The following IGBP1C variants were observed in gnomAD, a reference collection of about 807,000 sequenced individuals.
IGBP1C encodes immunoglobulin-binding protein 1 family member C.
chr17:58,687,184 C>T, the IGBP1C span, among the ~76,000 whole-genome samples: 2 of 152,224 alleles, frequency 1.3e-5, no homozygotes, highest in African/African-American at 4.8e-5. Flanking sequence ...GGCAATCACT[C>T]CCTGGCACTG....
At chr17:58,666,458 C>CAAACAAAAAA in the IGBP1C span, 17 of 36,834 alleles carry the variant, frequency 4.6e-4, no homozygotes, top group South Asian at 2.2e-3. Context: ...CCTTCCACGG[C>CAAACAAAAAA]AAAAAAAAAA....
chr17:58,670,872 T>C, the IGBP1C span, among the ~76,000 whole-genome samples: 1 of 151,136 alleles, frequency 6.6e-6, no homozygotes, highest in Admixed American at 6.6e-5. Context: ...AATAAAATGA[T>C]AGAAGTACAT....
the IGBP1C span, among the ~76,000 whole-genome samples, chr17:58,684,921 A>C: frequency 4.7e-3 from 721 of 152,300 alleles, 3 homozygotes; most frequent in Non-Finnish European, 7.3e-3. Flanking sequence ...GGTTGCAGCA[A>C]GCAGAAATCA....
chr17:58,673,650 C>T, the IGBP1C span, among the ~76,000 whole-genome samples: 1 of 152,114 alleles, frequency 6.6e-6, no homozygotes. Context: ...CATCCTCAAC[C>T]TCTTGGGCTC....
the IGBP1C span, among the ~76,000 whole-genome samples, chr17:58,683,378 C>T: frequency 2.0e-5 from 3 of 147,394 alleles, no homozygotes; most frequent in African/African-American, 5.0e-5. Context: ...ATCCCCCCCC[C>T]CAAAAAAAAA....
the IGBP1C span, among the ~76,000 whole-genome samples, chr17:58,682,266 T>TC: frequency 6.7e-6 from 1 of 149,796 alleles, no homozygotes; most frequent in East Asian, 2.0e-4. Flanking sequence ...GTCTTTCTTT[T>TC]TTTTTTTTTG....
chr17:58,691,779 GC>G, the IGBP1C span, among the ~76,000 whole-genome samples: 1 of 151,610 alleles, frequency 6.6e-6, no homozygotes, highest in Admixed American at 6.6e-5. Context: ...TAAACTGCTT[GC>G]CTTCCTCCCC....
the IGBP1C span, among the ~76,000 whole-genome samples, chr17:58,662,370 T>C: frequency 3.5e-4 from 53 of 151,116 alleles, 1 homozygote; most frequent in Non-Finnish European, 1.6e-4. Context: ...GAATTGCTTG[T>C]ACATAATACA....
At chr17:58,691,754 T>C in the IGBP1C span, among the ~76,000 whole-genome samples, 1 of 150,626 alleles carries the variant, frequency 6.6e-6, no homozygotes, top group Admixed American at 6.6e-5. Flanking sequence ...AGGAAGGAAC[T>C]CATAAACCAC....
chr17:58,673,188 T>C, the IGBP1C span, among the ~76,000 whole-genome samples: 5 of 151,876 alleles, frequency 3.3e-5, no homozygotes, highest in African/African-American at 4.8e-5. Context: ...TATTAAAATA[T>C]TGTATTGTAG....
At chr17:58,672,795 G>A in the IGBP1C span, among the ~76,000 whole-genome samples, 1 of 150,456 alleles carries the variant, frequency 6.6e-6, no homozygotes, top group Non-Finnish European at 1.5e-5. Flanking sequence ...GCAATGGTGT[G>A]ATCTCGGCTT....
chr17:58,664,074 A>C, the IGBP1C span, among the ~76,000 whole-genome samples: 2 of 151,996 alleles, frequency 1.3e-5, no homozygotes, highest in Admixed American at 6.6e-5. Context: ...CAAAAACCCA[A>C]CTCCACACTA....
chr17:58,673,799 C>T, the IGBP1C span, among the ~76,000 whole-genome samples: 2 of 151,992 alleles, frequency 1.3e-5, no homozygotes, highest in Non-Finnish European at 2.9e-5. Flanking sequence ...TCTCAAACTT[C>T]TTGGCTCAGG....
At chr17:58,668,103 C>G in the IGBP1C span, among the ~76,000 whole-genome samples, 3 of 152,058 alleles carry the variant, frequency 2.0e-5, no homozygotes, top group South Asian at 6.2e-4. Context: ...ATCTGATCAC[C>G]CCAGCCTGTC....
chr17:58,682,577 T>C, the IGBP1C span, among the ~76,000 whole-genome samples: 13 of 152,022 alleles, frequency 8.6e-5, no homozygotes, highest in Admixed American at 7.9e-4. Context: ...GATTTCAAAG[T>C]GTGTTTTATT....
chr17:58,688,101 T>C, the IGBP1C span, among the ~76,000 whole-genome samples: 1 of 152,162 alleles, frequency 6.6e-6, no homozygotes, highest in African/African-American at 2.4e-5. Context: ...TTCGGCACTT[T>C]TACAATTATA....
At chr17:58,683,942 G>A in the IGBP1C span, among the ~76,000 whole-genome samples, 1 of 151,368 alleles carries the variant, frequency 6.6e-6, no homozygotes, top group South Asian at 2.1e-4. Flanking sequence ...GTGCATCCCT[G>A]TCATCCCAGC....
At chr17:58,674,321 A>G in the IGBP1C span, among the ~76,000 whole-genome samples, 2 of 151,682 alleles carry the variant, frequency 1.3e-5, no homozygotes, top group African/African-American at 2.4e-5. Flanking sequence ...TGAGAACCAC[A>G]AACTAATCCT....
At chr17:58,661,905 T>A in the IGBP1C span, 24 of 244,322 alleles carry the variant, frequency 9.8e-5, no homozygotes, top group East Asian at 1.8e-3. Flanking sequence ...AGAGAATGCA[T>A]GTAAAAATGC....
Sources: allele counts gnomAD v4.1 joint callset (sites outside exome capture counted in the v4.1 genomes callset), GRCh38; gene constraint gnomAD v4.1.1; transcripts MANE v1.5; gene names NCBI Gene and HGNC (gene_info 2026-07-23, HGNC 2026-07-21).